Variants in RIMS2 observed in about 807,000 individuals in gnomAD.
The protein encoded by RIMS2 is regulating synaptic membrane exocytosis 2.
In RIMS2, 59 loss-of-function variants were observed where a neutral mutation model predicts 174.4. The ratio of observed to expected loss-of-function variants is 0.34; its 90% CI spans 0.27 to 0.42. The LOEUF is 0.42. RIMS2 is among the 10% of genes least tolerant of loss of function. RIMS2 has a pLI of 1.00. For synonymous variants in RIMS2, 606 were observed against 572.5 expected (o/e 1.06, Z -0.84); for missense variants, 1,620 against 1,666.3 (o/e 0.97, Z 0.48).
intron 3 of RIMS2, among the ~76,000 whole-genome samples, chr8:103,877,033 C>T (rs1415819036): frequency 6.6e-6 from 1 of 150,506 alleles, no homozygotes; most frequent in African/African-American, 2.4e-5. Context: ...CGTGCAAGTA[C>T]CTTTTTCGTA....
intron 3 of RIMS2, among the ~76,000 whole-genome samples, chr8:103,815,114 A>G (rs2098711010): frequency 6.6e-6 from 1 of 152,184 alleles, no homozygotes; most frequent in Non-Finnish European, 1.5e-5. Context: ...GTTCTTACCC[A>G]GAGATAATCA....
chr8:104,032,450 C>T lies in RIMS2; in HGVS notation c.3334+17835C>T, dbSNP rs144492124. Among the ~76,000 whole-genome samples the T allele has an allele frequency of 2.0e-5, 3 of 152,050 alleles. No individual in the cohort carries two copies. In the East Asian group the frequency reaches 5.8e-4, roughly 29 times the overall value. On this transcript the variant is annotated intron_variant, in intron 19 of 23. Transcript: ENST00000504942. Reference sequence around the variant, plus strand: ...TTTTTGTGTGAAAATCAGACCTTGGCAATGACCTTAAGCAGTAGGATATAA... The same window carrying T: ...TTTTTGTGTGAAAATCAGACCTTGGTAATGACCTTAAGCAGTAGGATATAA...
rs186858440 is a variant in RIMS2, at chr8:103,668,660, T to G, written c.177-28426T>G. The stretch of plus-strand genomic sequence containing the variant: ...GAGTCATGGAGTATAGACGATTTAT[T>G]TATTTATTTATTTATTTATTTATGT... On this transcript the variant is annotated intron_variant, in intron 1 of 23. Coordinates refer to ENST00000504942, the Ensembl canonical transcript of RIMS2. 7.3e-5 allele frequency among the ~76,000 whole-genome samples: 11 copies of G among 151,434 alleles called. No homozygotes were observed. In the East Asian group the frequency reaches 2.1e-3, roughly 29 times the overall value.
chr8:103,617,274 T>G (rs937769773), intron 1 of RIMS2, among the ~76,000 whole-genome samples: 3 of 152,152 alleles, frequency 2.0e-5, no homozygotes, highest in African/African-American at 7.2e-5. Flanking sequence ...GAATCCCTAT[T>G]CAATAAATGG....
At chr8:103,940,490 C>A (rs1397546981) in intron 13 of RIMS2, among the ~76,000 whole-genome samples, 1 of 151,966 alleles carries the variant, frequency 6.6e-6, no homozygotes, top group Non-Finnish European at 1.5e-5. Context: ...CACAACCAAA[C>A]TATATCAGTT....
rs565149927 is a variant in RIMS2, at chr8:103,737,000, A to T, written c.388-29227A>T. ...GATGGGAATAGAAGATGGGCTTTAA[A>T]TATAATCTGTGTACCAATATTTTCT... On this transcript the variant is annotated intron_variant, in intron 2 of 23. Coordinates refer to ENST00000504942, the Ensembl canonical transcript of RIMS2. 6.1e-4 allele frequency among the ~76,000 whole-genome samples: 93 copies of T among 152,180 alleles called. 1 individual carries two copies. The highest frequency in any genetic ancestry group is 1.9e-3 in the African/African-American group (81 of 41,542).
chr8:104,126,037 G>C (rs938832023), intron 19 of RIMS2, among the ~76,000 whole-genome samples: 4 of 152,034 alleles, frequency 2.6e-5, no homozygotes, highest in African/African-American at 9.7e-5. Flanking sequence ...GGCTGACTTA[G>C]GTTTCTTGTG....
At chr8:104,165,995 C>G (rs1169002715) in intron 19 of RIMS2, among the ~76,000 whole-genome samples, 1 of 150,586 alleles carries the variant, frequency 6.6e-6, no homozygotes, top group Non-Finnish European at 1.5e-5. Context: ...GATAGCCTAT[C>G]AGTGCACAAA....
chr8:103,994,204 G>A (rs1279572710), intron 17 of RIMS2, among the ~76,000 whole-genome samples: 1 of 151,998 alleles, frequency 6.6e-6, no homozygotes, highest in Non-Finnish European at 1.5e-5. Flanking sequence ...GGGACATTCG[G>A]CTAATTTCAT....
intron 19 of RIMS2, 101 bp from the exon 22 acceptor site, chr8:104,041,225 T>C (rs1210551576): frequency 5.7e-6 from 3 of 521,972 alleles, no homozygotes; most frequent in Non-Finnish European, 1.1e-5. Context: ...CTCAAAATGA[T>C]CTGAGGCCCT....
Position 103,809,230 on chromosome 8 carries a change from A to G in RIMS2, c.698+42693A>G, listed in dbSNP as rs144406424. Among the ~76,000 whole-genome samples, 928 of 151,744 alleles carry G rather than the reference A, an allele frequency of 6.1e-3. 12 individuals are homozygous for G. The highest frequency in any genetic ancestry group is 0.021 in the African/African-American group (878 of 41,384). ...CTTTGTCCCACTTTTGGCTTGGCCA[A>G]TGCTTATCATTCCATGTTTCTCATC... is the stretch of plus-strand genomic sequence containing the variant. On this transcript the variant is annotated intron_variant, in intron 3 of 23. Coordinates refer to ENST00000504942, the Ensembl canonical transcript of RIMS2.
intron 12 of RIMS2, among the ~76,000 whole-genome samples, chr8:103,934,791 G>A (rs1328744314): frequency 1.3e-5 from 2 of 150,914 alleles, no homozygotes; most frequent in Non-Finnish European, 2.9e-5. Context: ...TCCACCTCCC[G>A]GGTTCAAGCA....
At chr8:103,880,989 T>G (rs907765161) in intron 3 of RIMS2, among the ~76,000 whole-genome samples, 1 of 151,522 alleles carries the variant, frequency 6.6e-6, no homozygotes, top group African/African-American at 2.4e-5. Flanking sequence ...ATCCATGCTT[T>G]ATAAAGATTT....
intron 17 of RIMS2, among the ~76,000 whole-genome samples, chr8:104,011,853 C>T (rs1210808435): frequency 6.6e-6 from 1 of 151,838 alleles, no homozygotes; most frequent in Non-Finnish European, 1.5e-5. Flanking sequence ...AGAAATAATA[C>T]ATAGATATAC....
intron 3 of RIMS2, among the ~76,000 whole-genome samples, chr8:103,791,446 G>C (rs1454394239): frequency 6.6e-6 from 1 of 152,060 alleles, no homozygotes; most frequent in Non-Finnish European, 1.5e-5. Flanking sequence ...GGAACAACCC[G>C]TACGAGCCAC....
intron 19 of RIMS2, among the ~76,000 whole-genome samples, chr8:104,133,034 T>C (rs2098485440): frequency 6.6e-6 from 1 of 152,204 alleles, no homozygotes; most frequent in African/African-American, 2.4e-5. Flanking sequence ...TTCGTATTCA[T>C]CTTATACTAC....
intron 1 of RIMS2, among the ~76,000 whole-genome samples, chr8:103,685,557 A>C (rs1323936649): frequency 1.3e-5 from 2 of 152,176 alleles, no homozygotes; most frequent in Non-Finnish European, 2.9e-5. Flanking sequence ...CTAGTTTTAC[A>C]TATAAATTTC....
In RIMS2 at chr8:104,119,095, C is replaced by A. The variant is rs1188792927; in HGVS notation, c.3334+104480C>A. Among the ~76,000 whole-genome samples the A allele has an allele frequency of 2.6e-5, 4 of 151,996 alleles. No homozygotes were observed. The South Asian group carries it at 6.2e-4, about 24-fold the overall frequency. On this transcript the variant is annotated intron_variant, in intron 19 of 23. Coordinates refer to ENST00000504942, the Ensembl canonical transcript of RIMS2. ...AGGCGTGGTGGCTCAGGCCTGTAAT[C>A]CCAGCACTTTGAGAGGCCGAGGCGG...
chr8:104,149,477 A>G (rs1040288829), intron 19 of RIMS2, among the ~76,000 whole-genome samples: 4 of 152,250 alleles, frequency 2.6e-5, no homozygotes, highest in African/African-American at 9.6e-5. Context: ...TCACATCTGC[A>G]AAAATAAATT....
Sources: allele counts gnomAD v4.1 joint callset (sites outside exome capture counted in the v4.1 genomes callset), GRCh38; gene constraint gnomAD v4.1.1; transcripts MANE v1.5; gene names NCBI Gene and HGNC (gene_info 2026-07-23, HGNC 2026-07-21).